Variants in PHACTR3 observed in about 807,000 individuals in gnomAD.
The protein encoded by PHACTR3 is phosphatase and actin regulator 3.
PHACTR3 carries 16 observed loss-of-function variants against 66.8 expected under a neutral mutation model. That is an observed-to-expected ratio of 0.24 (90% CI 0.16 to 0.36). The LOEUF is 0.36. PHACTR3 is among the 10% of genes least tolerant of loss of function. The probability of loss-of-function intolerance (pLI) is 1.00; values close to 1 mark genes in which losing one functional copy is unlikely to be tolerated. For synonymous variants in PHACTR3, 323 were observed against 292.1 expected, an observed-to-expected ratio of 1.11 and a Z score of -1.08; for missense variants, 647 against 719.9, an observed-to-expected ratio of 0.90 and a Z score of 1.16.
rs1042754265 is a variant in PHACTR3 at position 59,831,700 on chromosome 20, C to T, written c.1329-4805C>T. Among the ~76,000 whole-genome samples the T allele has an allele frequency of 2.6e-5, 4 of 152,196 alleles. No homozygotes were observed. In the East Asian group the frequency reaches 5.8e-4, roughly 22 times the overall value. On this transcript the variant is annotated intron_variant, in intron 8 of 12. Transcript: ENST00000371015. ...TGCTCCGGCCACGTCTCTAGCGGCT[C>T]CTCGGAGAGCAACTTGATACTGAAG...
intron 1 of PHACTR3, among the ~76,000 whole-genome samples, chr20:59,610,893 C>T (rs535101567): frequency 6.6e-6 from 1 of 152,344 alleles, no homozygotes; most frequent in East Asian, 1.9e-4. Context: ...CCTCCCTAGT[C>T]TCATCATCTC....
At chr20:59,815,939 A>G (rs185419172) in intron 8 of PHACTR3, among the ~76,000 whole-genome samples, 1 of 152,276 alleles carries the variant, frequency 6.6e-6, no homozygotes, top group East Asian at 1.9e-4. Context: ...AACCAGTTTC[A>G]TGGAAGACAG....
chr20:59,845,887 T>C (rs2059138596), intron 12 of PHACTR3, among the ~76,000 whole-genome samples: 1 of 152,228 alleles, frequency 6.6e-6, no homozygotes, highest in Non-Finnish European at 1.5e-5. Flanking sequence ...CTGTCTATGC[T>C]ATGATATGCA....
chr20:59,578,830 TGGA>T (rs1350941594), intron 1 of PHACTR3, among the ~76,000 whole-genome samples: 7 of 152,156 alleles, frequency 4.6e-5, no homozygotes, highest in Non-Finnish European at 8.8e-5. Context: ...GTGGTGCCCT[TGGA>T]GGAGAAGCTC....
At chr20:59,636,365 C>A (rs935343848) in intron 1 of PHACTR3, among the ~76,000 whole-genome samples, 2 of 152,290 alleles carry the variant, frequency 1.3e-5, no homozygotes, top group Admixed American at 6.5e-5. Flanking sequence ...ATATTCATAA[C>A]CACCTGAGGA....
chr20:59,729,822 A>C (rs1373504344), intron 1 of PHACTR3, among the ~76,000 whole-genome samples: 1 of 152,150 alleles, frequency 6.6e-6, no homozygotes, highest in Non-Finnish European at 1.5e-5. Context: ...TGACATCAGA[A>C]ATGCAGACAG....
intron 1 of PHACTR3, among the ~76,000 whole-genome samples, chr20:59,702,073 G>C (rs759488677): frequency 6.6e-6 from 1 of 152,142 alleles, no homozygotes; most frequent in South Asian, 2.1e-4. Context: ...ATAGTCCATT[G>C]TCGGGATGTA....
chr20:59,658,345 T>A (rs2035694599), intron 1 of PHACTR3, among the ~76,000 whole-genome samples: 1 of 152,026 alleles, frequency 6.6e-6, no homozygotes, highest in East Asian at 1.9e-4. Flanking sequence ...TTAAATGTAT[T>A]TGTTGCACTT....
intron 1 of PHACTR3, among the ~76,000 whole-genome samples, chr20:59,625,588 C>A (rs1289648679): frequency 3.9e-5 from 6 of 152,134 alleles, no homozygotes; most frequent in Non-Finnish European, 8.8e-5. Flanking sequence ...TCCCTGGCCG[C>A]CTTTGGTTTC....
chr20:59,716,329 T>C (rs1448368198), intron 1 of PHACTR3, among the ~76,000 whole-genome samples: 1 of 150,714 alleles, frequency 6.6e-6, no homozygotes, highest in Non-Finnish European at 1.5e-5. Flanking sequence ...CTCAGCTCAC[T>C]GCAACCTCTG....
At chr20:59,611,310 G>T (rs1370397385) in intron 1 of PHACTR3, among the ~76,000 whole-genome samples, 3 of 152,258 alleles carry the variant, frequency 2.0e-5, no homozygotes, top group Non-Finnish European at 4.4e-5. Flanking sequence ...TCCCCTTGAG[G>T]TAATTCCATC....
chr20:59,774,166 A>G, intron 6 of PHACTR3, 77 bp from the exon 7 acceptor site: 6 of 1,507,336 alleles, frequency 4.0e-6, no homozygotes, highest in Non-Finnish European at 4.4e-6. Context: ...GATATTCATT[A>G]TAAGCTCCAA....
chr20:59,641,574 G>A (rs1417638025), intron 1 of PHACTR3, among the ~76,000 whole-genome samples: 1 of 152,144 alleles, frequency 6.6e-6, no homozygotes, highest in Non-Finnish European at 1.5e-5. Context: ...GCTAGGGAAG[G>A]CCATCTGCTT....
At chr20:59,700,791 T>TTTTTTG (rs1395114848) in intron 1 of PHACTR3, among the ~76,000 whole-genome samples, 9 of 138,058 alleles carry the variant, frequency 6.5e-5, no homozygotes, top group Non-Finnish European at 7.4e-5. Context: ...TTTGTTTTGT[T>TTTTTTG]TTTTTGTTTT....
At chr20:59,754,694 C>T (rs749671119) in intron 3 of PHACTR3, among the ~76,000 whole-genome samples, 48 of 152,198 alleles carry the variant, frequency 3.2e-4, no homozygotes, top group Admixed American at 1.5e-3. Context: ...TGATCTGCCC[C>T]GTGGGTCTGC....
rs1459256293 is a variant in PHACTR3, at chr20:59,738,727, T to C, written c.119-4380T>C. On this transcript the variant is annotated intron_variant, in intron 1 of 12. Transcript: ENST00000371015. This position sits in a 1 kb window ranked among gnomAD's most constrained non-coding sequence, Gnocchi z 4.4. The stretch of plus-strand genomic sequence containing the variant: ...CAGATCCTTCCTGACACTCCCTTCA[T>C]CCTTCAGCTGTGTATGTGTGTTTCT... 6.6e-6 allele frequency among the ~76,000 whole-genome samples: 1 copy of C among 152,132 alleles called. No individual in the cohort carries two copies. Among genetic ancestry groups the C allele is most frequent in the Admixed American group, 6.5e-5 (1 of 15,276 alleles).
At chr20:59,803,884 G>T (rs1481326389) in intron 7 of PHACTR3, among the ~76,000 whole-genome samples, 2 of 152,156 alleles carry the variant, frequency 1.3e-5, no homozygotes, top group African/African-American at 4.8e-5. Context: ...GTGTTTGGGG[G>T]CATTTGGGGA....
chr20:59,627,850 T>C (rs1379949975), intron 1 of PHACTR3, among the ~76,000 whole-genome samples: 2 of 152,234 alleles, frequency 1.3e-5, no homozygotes, highest in East Asian at 3.8e-4. Context: ...ATCATTTATC[T>C]ATTTTTATTT....
At chr20:59,662,394 G>A (rs2035838300) in intron 1 of PHACTR3, among the ~76,000 whole-genome samples, 1 of 152,132 alleles carries the variant, frequency 6.6e-6, no homozygotes. Context: ...CCCTAGATGA[G>A]GAATGAGAGG....
Sources: gnomAD v4.1 joint callset for allele counts (sites outside exome capture counted in the v4.1 genomes callset) on GRCh38, gnomAD v4.1.1 for gene constraint, Gnocchi (gnomAD v3.1) non-coding constraint, MANE v1.5 for transcripts, NCBI Gene and HGNC (gene_info 2026-07-23, HGNC 2026-07-21) for gene names.